Variants in ASXL2 observed in about 807,000 individuals in gnomAD.
ASXL2 encodes putative Polycomb group protein ASXL2.
In ASXL2, 23 loss-of-function variants were observed where a neutral mutation model predicts 122.0. The observed-to-expected ratio is 0.19, with a 90% confidence interval of 0.14 to 0.27. ASXL2 has a LOEUF of 0.27. ASXL2 is among the 10% of genes least tolerant of loss of function. The probability of loss-of-function intolerance (pLI) is 1.00; values close to 1 mark genes in which losing one functional copy is unlikely to be tolerated. For missense variants in ASXL2, 1,518 were observed against 1,713.8 expected (o/e 0.89, Z 2.02); for synonymous variants, 650 against 637.0 (o/e 1.02, Z -0.31).
At chr2:25,858,917 A>G (rs13009710) in intron 1 of ASXL2, among the ~76,000 whole-genome samples, 47,701 of 148,872 alleles carry the variant, frequency 0.32, 8,140 homozygotes, top group African/African-American at 0.41. Context: ...GGGTTCAAGC[A>G]ATTCTCCTGT....
At chr2:25,756,250 G>T in intron 9 of ASXL2, 136 bp from the exon 10 acceptor site, 2 of 413,100 alleles carry the variant, frequency 4.8e-6, no homozygotes, top group Non-Finnish European at 4.2e-6. Flanking sequence ...CATACTATGT[G>T]CTTATCCAAC....
chr2:25,813,289 C>T (rs1051703903), intron 3 of ASXL2, among the ~76,000 whole-genome samples: 3 of 152,178 alleles, frequency 2.0e-5, no homozygotes, highest in Non-Finnish European at 2.9e-5. Context: ...GGTCCACAGT[C>T]CCTGATCTAA....
Position 25,781,413 on chromosome 2 carries a change from G to GA in ASXL2, c.404-9874dup, listed in dbSNP as rs1040425810. Among the ~76,000 whole-genome samples, 7 of 151,450 alleles carry GA rather than the reference G, an allele frequency of 4.6e-5. No homozygotes were observed. In the South Asian group the frequency reaches 1.3e-3, roughly 27 times the overall value. On this transcript the variant is annotated intron_variant, in intron 5 of 12. Coordinates refer to ENST00000435504, the MANE Select transcript of ASXL2 (RefSeq NM_018263.6). ...AAACTGTCTCAAAAAGAAAAGAAAA[G>GA]AAAAAAAACAGTGATGCTCAGAATT...
rs150581961 is a variant in ASXL2, at chr2:25,802,197, C to T, written c.253-2662G>A. On this transcript the variant is annotated intron_variant, in intron 4 of 12. Transcript: ENST00000435504. ...CTTACAAGTTAACAACAACAAAAAA[C>T]GGCTACATTCCTTTATTCAAAATTA... Among the ~76,000 whole-genome samples, 51 of 152,286 alleles carry T rather than the reference C, an allele frequency of 3.3e-4. No homozygotes were observed. In the East Asian group the frequency reaches 8.7e-3, roughly 26 times the overall value.
rs367561859 is a variant in ASXL2, at chr2:25,779,987, C to T, written c.404-8447G>A. On this transcript the variant is annotated intron_variant, in intron 5 of 12. Coordinates refer to ENST00000435504, the MANE Select transcript of ASXL2 (RefSeq NM_018263.6). The stretch of plus-strand genomic sequence containing the variant: ...GGTTCAAGCAATTCTCCTGCCTCAG[C>T]CTCCTGAGTAGCTGGGATTACAGGT... Among the ~76,000 whole-genome samples, 8 of 152,284 alleles carry T rather than the reference C, an allele frequency of 5.3e-5. No individual in the cohort carries two copies. In the South Asian group the frequency reaches 1.2e-3, roughly 24 times the overall value.
chr2:25,746,634 A>G (rs533284272), intron 12 of ASXL2, among the ~76,000 whole-genome samples: 10 of 152,306 alleles, frequency 6.6e-5, no homozygotes, highest in African/African-American at 1.9e-4. Context: ...ATAATACATC[A>G]TATCTATCAT....
At chr2:25,811,097 CACAA>C (rs1351116762) in intron 3 of ASXL2, among the ~76,000 whole-genome samples, 1 of 148,432 alleles carries the variant, frequency 6.7e-6, no homozygotes, top group African/African-American at 2.5e-5. Flanking sequence ...CACACACACA[CACAA>C]AATCAGCCAT....
intron 5 of ASXL2, among the ~76,000 whole-genome samples, chr2:25,789,409 A>G (rs1042530919): frequency 1.3e-5 from 2 of 152,032 alleles, no homozygotes; most frequent in Non-Finnish European, 2.9e-5. Context: ...TGTTCTAGAC[A>G]TGTCTTGTTT....
intron 1 of ASXL2, among the ~76,000 whole-genome samples, chr2:25,852,559 T>A (rs2089728885): frequency 6.6e-6 from 1 of 152,228 alleles, no homozygotes; most frequent in South Asian, 2.1e-4. Flanking sequence ...GCTCATTTAC[T>A]GCCCAAAAGC....
At position 25,742,696 on chromosome 2, in the gene ASXL2, G is replaced by T. The variant is rs770401493; in HGVS notation, c.3641C>A (p.Pro1214His). Residue 1214 changes from proline (P) to histidine (H), a missense_variant, in exon 13 of 13, where the codon CCT (proline) becomes CAT (histidine). Coordinates refer to ENST00000435504, the MANE Select transcript of ASXL2 (RefSeq NM_018263.6). ...SAGKGDTSSG[P>H]HSRETLSTSD... The stretch of plus-strand genomic sequence containing the variant: ...GGTAGATAGAGTTTCCCTGCTGTGA[G>T]GTCCTGAACTTGTGTCACCCTTGCC... 26 of 1,613,840 alleles carry T rather than the reference G, an allele frequency of 1.6e-5. No individual in the cohort carries two copies. Among genetic ancestry groups the T allele is most frequent in the Non-Finnish European group, 2.2e-5 (26 of 1,179,898 alleles).
At chr2:25,874,339 A>C (rs2089994212) in intron 1 of ASXL2, among the ~76,000 whole-genome samples, 1 of 152,116 alleles carries the variant, frequency 6.6e-6, no homozygotes, top group Admixed American at 6.6e-5. Context: ...AAATTAAAAA[A>C]TCAGCCAGGT....
At position 25,743,614 on chromosome 2, in the gene ASXL2, G is replaced by A; in HGVS notation, c.2723C>T (p.Thr908Ile). ...KLPVPQVSAT[T>I]APAGSAPPSS... ...GGGTGGAGCTGATCCAGCAGGTGCT[G>A]TAGTTGCACTGACCTGGGGTACAGG... Residue 908 changes from threonine to isoleucine, a missense_variant, in exon 13 of 13, where the codon ACA becomes ATA. Around this residue, in one of 8 missense-constraint regions of ASXL2, gnomAD observed 831 missense variants for 833.1 expected, o/e 1.00. Coordinates refer to ENST00000435504, the MANE Select transcript of ASXL2 (RefSeq NM_018263.6). 5.0e-6 allele frequency: 8 copies of A among 1,614,024 alleles called. No individual in the cohort carries two copies. Among genetic ancestry groups the A allele is most frequent in the East Asian group, 2.2e-5 (1 of 44,882 alleles).
intron 3 of ASXL2, among the ~76,000 whole-genome samples, chr2:25,827,123 C>T (rs1226918601): frequency 1.3e-5 from 2 of 151,660 alleles, no homozygotes; most frequent in African/African-American, 2.4e-5. Flanking sequence ...TAAGCCACCA[C>T]ACCTGGCCTA....
At chr2:25,757,448 C>G (rs1460100506) in intron 9 of ASXL2, among the ~76,000 whole-genome samples, 1 of 147,230 alleles carries the variant, frequency 6.8e-6, no homozygotes, top group South Asian at 2.1e-4. Flanking sequence ...AGCACCCTGG[C>G]TAACATGGTG....
intron 4 of ASXL2, among the ~76,000 whole-genome samples, 185 bp from the exon 5 acceptor site, chr2:25,799,720 A>C (rs976814438): frequency 4.6e-5 from 7 of 152,228 alleles, no homozygotes; most frequent in African/African-American, 1.7e-4. Context: ...TAATGTTTCC[A>C]ACTATATCCG....
At chr2:25,850,381 T>C (rs900918027) in intron 1 of ASXL2, among the ~76,000 whole-genome samples, 1 of 152,236 alleles carries the variant, frequency 6.6e-6, no homozygotes, top group Admixed American at 6.5e-5. Context: ...CACTTTTTCT[T>C]CCAATTTACT....
intron 7 of ASXL2, 69 bp downstream of exon 7, chr2:25,768,673 A>G (rs1351591198): frequency 1.6e-5 from 25 of 1,535,788 alleles, no homozygotes; most frequent in Admixed American, 7.8e-5. Context: ...TCATAAACAA[A>G]TCAGGAAAAC....
At chr2:25,799,575 T>C (rs759386211) in intron 4 of ASXL2, 40 bp from the exon 5 acceptor site, 3 of 1,552,070 alleles carry the variant, frequency 1.9e-6, no homozygotes, top group African/African-American at 2.8e-5. Flanking sequence ...ATCATTACCA[T>C]TTAAGCAAAC....
rs187668438 is a variant in ASXL2, at chr2:25,867,843, C to T, written c.57+10323G>A. On this transcript the variant is annotated intron_variant, in intron 1 of 12. Coordinates refer to ENST00000435504, the MANE Select transcript of ASXL2 (RefSeq NM_018263.6). ...TTCCCTCTGCCTGGAATGCCCTTGC[C>T]GATCATTCACTTGTAAATACTTTAT... Among the ~76,000 whole-genome samples, 604 of 152,258 alleles carry T rather than the reference C, an allele frequency of 4.0e-3. 5 individuals carry two copies. Among genetic ancestry groups the T allele is most frequent in the African/African-American group, 0.013 (558 of 41,560 alleles).
Sources: allele counts gnomAD v4.1 joint callset (sites outside exome capture counted in the v4.1 genomes callset), GRCh38; gene constraint gnomAD v4.1.1; regional missense constraint gnomAD v4.1.1; transcripts MANE v1.5; gene names NCBI Gene and HGNC (gene_info 2026-07-23, HGNC 2026-07-21).